Variants in COG4 observed in about 807,000 individuals in gnomAD.
COG4 encodes the protein conserved oligomeric Golgi complex subunit 4.
COG4 carries 65 observed loss-of-function variants against 95.1 expected under a neutral mutation model. That is an observed-to-expected ratio of 0.68 (90% CI 0.56 to 0.84). COG4 has a LOEUF of 0.84. COG4 is among the 40% of genes least tolerant of loss of function. The probability of loss-of-function intolerance (pLI) is 0.00; values close to 1 mark genes in which losing one functional copy is unlikely to be tolerated. For synonymous variants in COG4, 421 were observed against 374.8 expected (o/e 1.12, Z -1.42); for missense variants, 1,045 against 989.1 (o/e 1.06, Z -0.76).
At chr16:70,508,522 T>C (rs1259918837) in intron 7 of COG4, 58 bp from the exon 8 acceptor site, 2 of 1,470,364 alleles carry the variant, frequency 1.4e-6, no homozygotes, top group Non-Finnish European at 1.9e-6. Context: ...TATTGGCCTC[T>C]TGCTGGTCAC....
At chr16:70,488,136 CT>C (rs1022467873) in intron 13 of COG4, among the ~76,000 whole-genome samples, 7 of 143,928 alleles carry the variant, frequency 4.9e-5, no homozygotes, top group Admixed American at 6.9e-5. Context: ...TTATTTTTAC[CT>C]TTTTTTTTTC....
intron 6 of COG4, 83 bp from the exon 7 acceptor site, chr16:70,509,471 G>A: frequency 6.7e-7 from 1 of 1,488,278 alleles, no homozygotes; most frequent in South Asian, 1.2e-5. Context: ...CTAACCGAAG[G>A]TCTAGCTCAA....
intron 12 of COG4, 83 bp from the exon 13 acceptor site, chr16:70,490,475 G>T: frequency 9.0e-7 from 1 of 1,107,644 alleles, no homozygotes. Context: ...TGACAGCTGT[G>T]CTCCATGAAG....
intron 3 of COG4, chr16:70,515,726 T>G (rs930930197): frequency 1.9e-5 from 4 of 208,350 alleles, no homozygotes; most frequent in Non-Finnish European, 3.9e-5. Context: ...AAAACATGCT[T>G]GCTTGTTCTA....
chr16:70,481,409 C>A lies in COG4; in HGVS notation c.2185G>T (p.Asp729Tyr), dbSNP rs748865010. The change falls in exon 18 of 19, where the codon GAC (aspartate) becomes TAC (tyrosine). Residue 729 changes from aspartate (D) to tyrosine (Y), a missense_variant. Physicochemically the swap from Asp to Tyr is radical, Grantham distance 160. Coordinates refer to ENST00000323786, the MANE Select transcript of COG4 (RefSeq NM_015386.3). ...ATCTGGGAGAGCCGGGCAAACTTGT[C>A]TCGGATGGTCCAGGTGGTCACCGTG... Reference protein sequence around the residue: ...LTTVTTWTIRDKFARLSQMAT... With the variant: ...LTTVTTWTIRYKFARLSQMAT... 6.2e-7 allele frequency: 1 copy of A among 1,613,388 alleles called. No individual in the cohort carries two copies. The highest frequency in any genetic ancestry group is 8.5e-7 in the Non-Finnish European group (1 of 1,179,998).
intron 2 of COG4, among the ~76,000 whole-genome samples, 174 bp from the exon 3 acceptor site, chr16:70,517,914 C>T (rs970000673): frequency 6.6e-6 from 1 of 151,876 alleles, no homozygotes; most frequent in Non-Finnish European, 1.5e-5. Flanking sequence ...AAACTCAGAC[C>T]TATACCTGAT....
intron 3 of COG4, among the ~76,000 whole-genome samples, chr16:70,515,602 T>A (rs1422396514): frequency 6.6e-6 from 1 of 152,120 alleles, no homozygotes; most frequent in South Asian, 2.1e-4. Context: ...GAGAATTGCT[T>A]GAACCCAGGA....
chr16:70,488,541 G>A (rs911191160), intron 13 of COG4, among the ~76,000 whole-genome samples: 5 of 151,774 alleles, frequency 3.3e-5, no homozygotes, highest in East Asian at 2.0e-4. Flanking sequence ...CTACAGGCAC[G>A]AGCCACCCAG....
At chr16:70,517,581 C>T in intron 3 of COG4, 45 bp downstream of exon 3, 1 of 1,052,260 alleles carries the variant, frequency 9.5e-7, no homozygotes, top group Non-Finnish European at 1.4e-6. Context: ...GAGCAAGACC[C>T]TGTCTCAAAA....
chr16:70,498,009 G>A lies in COG4; in HGVS notation c.1242C>T (p.Ser414=). 1.2e-6 allele frequency: 2 copies of A among 1,613,732 alleles called. No homozygotes were observed. Among genetic ancestry groups the A allele is most frequent in the South Asian group, 2.2e-5 (2 of 91,082 alleles). Residue 414 remains serine, a synonymous_variant, in exon 10 of 19, where the codon AGC becomes AGT. Transcript: ENST00000323786. ...AGCCAATTAGCTCCTGCATGGTACA[G>A]CTCAAAAGGCAGTTATTGAGGAGTT... ...LDKLLNNCLL[S]CTMQELIGLY... is the part of the protein sequence containing the mutation.
In COG4 at chr16:70,498,351, G is replaced by C. The variant is rs140169770; in HGVS notation, c.1196-296C>G. 4.8e-3 allele frequency among the ~76,000 whole-genome samples: 721 copies of C among 149,866 alleles called. 2 individuals are homozygous for C. Among genetic ancestry groups the C allele is most frequent in the African/African-American group, 0.017 (686 of 40,710 alleles). On this transcript the variant is annotated intron_variant, in intron 9 of 18. Transcript: ENST00000323786. ...TTTAACTATTTTTTTTTTTTGAGACGGAGTTTCACTCTTGTTGCCCAGGCT... is the reference window on the plus strand; with the variant it reads ...TTTAACTATTTTTTTTTTTTGAGACCGAGTTTCACTCTTGTTGCCCAGGCT...
intron 2 of COG4, among the ~76,000 whole-genome samples, chr16:70,518,225 ATTAAC>A (rs1180061182): frequency 1.3e-5 from 2 of 152,184 alleles, no homozygotes; most frequent in African/African-American, 4.8e-5. Context: ...CCTGGCCAAA[ATTAAC>A]TTCTAAAACC....
At chr16:70,514,562 C>A in intron 3 of COG4, 53 bp from the exon 4 acceptor site, 2 of 1,526,310 alleles carry the variant, frequency 1.3e-6, no homozygotes, top group East Asian at 2.3e-5. Context: ...CAAAAACACC[C>A]CTCAAGAAGG....
At chr16:70,520,374 T>TTG in intron 1 of COG4, among the ~76,000 whole-genome samples, 1 of 2,266 alleles carries the variant, frequency 4.4e-4, no homozygotes, top group African/African-American at 1.1e-3. Flanking sequence ...ACCCGGGGGG[T>TTG]GGGGGGGGGG....
intron 1 of COG4, among the ~76,000 whole-genome samples, chr16:70,521,322 AT>A (rs2049937142): frequency 6.6e-6 from 1 of 151,040 alleles, no homozygotes; most frequent in Non-Finnish European, 1.5e-5. Context: ...GGTTCAAGCG[AT>A]TTTCATGCCT....
At chr16:70,522,032 T>A (rs1337404422) in intron 1 of COG4, among the ~76,000 whole-genome samples, 1 of 140,676 alleles carries the variant, frequency 7.1e-6, no homozygotes, top group African/African-American at 2.7e-5. Context: ...AATTTTGCTC[T>A]TGTTGCCCAG....
At chr16:70,484,386 G>C (rs1364819712) in intron 13 of COG4, among the ~76,000 whole-genome samples, 1 of 152,120 alleles carries the variant, frequency 6.6e-6, no homozygotes, top group Non-Finnish European at 1.5e-5. Context: ...TCAATGCCTG[G>C]CACAGGAGAC....
intron 1 of COG4, among the ~76,000 whole-genome samples, chr16:70,520,218 G>A (rs894035137): frequency 6.6e-6 from 1 of 152,090 alleles, no homozygotes; most frequent in Non-Finnish European, 1.5e-5. Context: ...GGCGGATCAC[G>A]AGGTCAGGAG....
intron 2 of COG4, among the ~76,000 whole-genome samples, chr16:70,519,009 G>A (rs2049882078): frequency 6.6e-6 from 1 of 150,920 alleles, no homozygotes; most frequent in Non-Finnish European, 1.5e-5. Flanking sequence ...TCTCAAACTT[G>A]AGCTGTGCAT....
Sources: allele counts gnomAD v4.1 joint callset (sites outside exome capture counted in the v4.1 genomes callset), GRCh38; gene constraint gnomAD v4.1.1; transcripts MANE v1.5; gene names NCBI Gene and HGNC (gene_info 2026-07-23, HGNC 2026-07-21).